The following GRB10 variants were observed in gnomAD, a reference collection of about 807,000 sequenced individuals.
GRB10 encodes the protein growth factor receptor bound protein 10.
Under a neutral mutation model 80.9 loss-of-function variants are expected in GRB10, and 20 were observed. That is an observed-to-expected ratio of 0.25 (90% CI 0.17 to 0.36). The LOEUF is 0.36. Ranked by LOEUF, GRB10 falls within the 10% of genes least tolerant of loss-of-function variation. GRB10 has a pLI of 1.00. For missense variants in GRB10, 548 were observed against 747.7 expected, an observed-to-expected ratio of 0.73 and a Z score of 3.12; for synonymous variants, 291 against 291.5, an observed-to-expected ratio of 1.00 and a Z score of 0.02.
intron 5 of GRB10, 86 bp from the exon 6 acceptor site, chr7:50,674,744 C>A: frequency 9.0e-7 from 1 of 1,112,000 alleles, no homozygotes; most frequent in East Asian, 2.5e-5. Flanking sequence ...GATCAGGTTC[C>A]AAACCTCAAT....
At chr7:50,755,435 T>A (rs1459862145) in intron 3 of GRB10, among the ~76,000 whole-genome samples, 2 of 151,982 alleles carry the variant, frequency 1.3e-5, no homozygotes, top group African/African-American at 4.8e-5. Context: ...AACACACACA[T>A]CAGCAACAAG....
intron 5 of GRB10, among the ~76,000 whole-genome samples, chr7:50,696,550 C>G (rs1448462139): frequency 1.3e-5 from 2 of 152,204 alleles, no homozygotes; most frequent in Non-Finnish European, 2.9e-5. Flanking sequence ...GAGCTCTCTA[C>G]AGAGTCAACT....
At chr7:50,735,967 C>A (rs2070726619) in intron 3 of GRB10, among the ~76,000 whole-genome samples, 1 of 152,156 alleles carries the variant, frequency 6.6e-6, no homozygotes, top group African/African-American at 2.4e-5. Context: ...AAGAACAACA[C>A]GGAGAACTCA....
chr7:50,781,826 C>T (rs2078313225), intron 1 of GRB10, among the ~76,000 whole-genome samples: 1 of 152,224 alleles, frequency 6.6e-6, no homozygotes, highest in Admixed American at 6.5e-5. Flanking sequence ...AACCCCATGC[C>T]CACATCTTCA....
chr7:50,611,813 G>C (rs956763829), intron 13 of GRB10, among the ~76,000 whole-genome samples: 9 of 152,184 alleles, frequency 5.9e-5, no homozygotes, highest in Admixed American at 3.3e-4. Context: ...AACGAAGGCT[G>C]GGAGTTTTTG....
At chr7:50,653,183 C>T (rs2153620250) in intron 7 of GRB10, among the ~76,000 whole-genome samples, 1 of 152,302 alleles carries the variant, frequency 6.6e-6, no homozygotes, top group South Asian at 2.1e-4. Flanking sequence ...AGCAGGCAGG[C>T]ACCGTCTTCC....
intron 7 of GRB10, among the ~76,000 whole-genome samples, chr7:50,667,833 C>A (rs1123263): frequency 0.014 from 2,074 of 152,278 alleles, 50 homozygotes; most frequent in African/African-American, 0.047. Flanking sequence ...CACCAGCAGG[C>A]AAAATTCCCC....
chr7:50,714,605 G>A (rs1412791333), intron 4 of GRB10, among the ~76,000 whole-genome samples: 1 of 151,932 alleles, frequency 6.6e-6, no homozygotes, highest in Non-Finnish European at 1.5e-5. Context: ...GGAGCTTGCA[G>A]TGAGCCGAGA....
intron 2 of GRB10, among the ~76,000 whole-genome samples, chr7:50,775,109 C>T (rs1184999400): frequency 7.8e-6 from 1 of 128,334 alleles, no homozygotes; most frequent in African/African-American, 3.0e-5. Flanking sequence ...TGCAGTGAGC[C>T]GAGATCACAC....
At chr7:50,722,358 C>T (rs1365712166) in intron 4 of GRB10, among the ~76,000 whole-genome samples, 3 of 152,198 alleles carry the variant, frequency 2.0e-5, no homozygotes, top group Non-Finnish European at 4.4e-5. Flanking sequence ...GGTAACCCCG[C>T]CTGGCACCAA....
intron 1 of GRB10, chr7:50,781,615 C>T (rs2078287920): frequency 6.6e-6 from 1 of 152,280 alleles, no homozygotes; most frequent in Non-Finnish European, 1.5e-5. Flanking sequence ...CTCCCCCGCC[C>T]ATAGCCACCT....
At chr7:50,736,035 C>G (rs773331048) in intron 3 of GRB10, among the ~76,000 whole-genome samples, 2 of 152,192 alleles carry the variant, frequency 1.3e-5, no homozygotes, top group African/African-American at 2.4e-5. Context: ...GCCTGTAAAC[C>G]TAGCACTTTG....
At chr7:50,768,847 T>C (rs2076662965) in intron 2 of GRB10, among the ~76,000 whole-genome samples, 1 of 152,348 alleles carries the variant, frequency 6.6e-6, no homozygotes, top group Non-Finnish European at 1.5e-5. Context: ...CCTCCACAGT[T>C]GGTAACTTTA....
chr7:50,684,078 C>T (rs903437468), intron 5 of GRB10, among the ~76,000 whole-genome samples: 6 of 151,970 alleles, frequency 3.9e-5, no homozygotes, highest in African/African-American at 1.2e-4. Context: ...AAAGTGCCGC[C>T]GCCAGTGGAG....
At chr7:50,785,822 A>C (rs1449201512), upstream of GRB10, among the ~76,000 whole-genome samples, 8 of 152,258 alleles carry the variant, frequency 5.3e-5, no homozygotes, top group Non-Finnish European at 1.2e-4. Flanking sequence ...GGGAGAGAAG[A>C]AACGATACAC....
intron 1 of GRB10, chr7:50,792,353 A>G: frequency 2.5e-6 from 1 of 394,848 alleles, no homozygotes; most frequent in Non-Finnish European, 4.5e-6. Context: ...CTCTTACATT[A>G]CCCAACGTTT....
chr7:50,682,521 G>A (rs1398952393), intron 5 of GRB10, among the ~76,000 whole-genome samples: 1 of 152,172 alleles, frequency 6.6e-6, no homozygotes, highest in Non-Finnish European at 1.5e-5. Context: ...AACATCACCC[G>A]AACAAAGGGA....
At chr7:50,705,672 A>G (rs975484666) in intron 4 of GRB10, among the ~76,000 whole-genome samples, 2 of 152,218 alleles carry the variant, frequency 1.3e-5, no homozygotes, top group African/African-American at 2.4e-5. Flanking sequence ...TTGTGTTTTA[A>G]TATCGTTTTT....
chr7:50,648,344 C>G (rs1713404456), intron 7 of GRB10, among the ~76,000 whole-genome samples: 1 of 152,054 alleles, frequency 6.6e-6, no homozygotes, highest in Admixed American at 6.5e-5. Flanking sequence ...TGGATGCCAC[C>G]CTGATGGGAA....
Sources: gnomAD v4.1 joint callset for allele counts (sites outside exome capture counted in the v4.1 genomes callset) on GRCh38, gnomAD v4.1.1 for gene constraint, MANE v1.5 for transcripts, NCBI Gene and HGNC (gene_info 2026-07-23, HGNC 2026-07-21) for gene names.